Variants in UBXN1 observed in about 807,000 individuals in gnomAD.
UBXN1 encodes UBX domain-containing protein 1.
Under a neutral mutation model 42.0 loss-of-function variants are expected in UBXN1, and 21 were observed. That is an observed-to-expected ratio of 0.50 (90% CI 0.35 to 0.72). UBXN1 has a LOEUF of 0.72. Among genes scored for constraint, UBXN1 ranks in the 30% least tolerant of loss-of-function variants. The pLI, the probability that UBXN1 is intolerant of heterozygous loss-of-function variation, is 0.00. For synonymous variants in UBXN1, 172 were observed against 142.6 expected, an observed-to-expected ratio of 1.21 and a Z score of -1.47; for missense variants, 374 against 382.2, an observed-to-expected ratio of 0.98 and a Z score of 0.18.
chr11:62,678,161 T>G (rs1246815006), intron 4 of UBXN1, 43 bp from the exon 5 acceptor site: 1 of 1,608,292 alleles, frequency 6.2e-7, no homozygotes, highest in African/African-American at 1.3e-5. Flanking sequence ...ATGGACAGAG[T>G]GGGAAGGTGT....
At position 62,678,914 on chromosome 11, in the gene UBXN1, G is replaced by C; in HGVS notation, c.10C>G (p.Leu4Val). 1 of 1,591,280 alleles carries C rather than the reference G, an allele frequency of 6.3e-7. No individual in the cohort carries two copies. The highest frequency in any genetic ancestry group is 8.5e-7 in the Non-Finnish European group (1 of 1,172,078). Residue 4 changes from leucine to valine, a missense_variant, in exon 1 of 9, where the codon CTG (leucine) becomes GTG (valine). Coordinates refer to ENST00000301935, the MANE Select transcript of UBXN1 (RefSeq NM_001286077.2). ...TCGATGAGACTCTCAAGAGCCGTCA[G>C]CTCCGCCATGGCGCCGACACCGCGG... MAELTALESLIEMG... is the reference protein window; with the variant it reads MAEVTALESLIEMG...
intron 4 of UBXN1, 42 bp from the exon 5 acceptor site, chr11:62,678,160 G>C: frequency 2.5e-6 from 4 of 1,609,546 alleles, no homozygotes; most frequent in Non-Finnish European, 3.4e-6. Context: ...AATGGACAGA[G>C]TGGGAAGGTG....
rs1004948134 is a variant in UBXN1 at position 62,678,128 on chromosome 11, C to A, written c.291-10G>T. The A allele has an allele frequency of 1.2e-6, 2 of 1,612,708 alleles. No individual in the cohort carries two copies. Among genetic ancestry groups the A allele is most frequent in the African/African-American group, 2.7e-5 (2 of 74,802 alleles). On this transcript the variant is annotated splice_polypyrimidine_tract_variant and intron_variant, in intron 4 of 8. Transcript: ENST00000301935. Reference sequence around the variant, plus strand: ...CACCAGCTCCAACATCCTGTGTTGCCGAGGGAAAACAGTTCAAGAGAAATG... The same window carrying A: ...CACCAGCTCCAACATCCTGTGTTGCAGAGGGAAAACAGTTCAAGAGAAATG...
intron 7 of UBXN1, chr11:62,677,221 A>G (rs562020449): frequency 1.6e-6 from 1 of 628,524 alleles, no homozygotes; most frequent in East Asian, 2.7e-5. Context: ...CAAGGATAAG[A>G]TTATACAAAA....
At chr11:62,678,833 A>T (rs1210634984) in intron 1 of UBXN1, 32 bp downstream of exon 1, 1 of 1,608,496 alleles carries the variant, frequency 6.2e-7, no homozygotes, top group African/African-American at 1.3e-5. Context: ...GACCCCCCAC[A>T]CCCGCAGGCC....
Position 62,678,529 on chromosome 11 carries a change from C to G in UBXN1, c.186G>C (p.Arg62=). The G allele has an allele frequency of 6.2e-7, 1 of 1,611,360 alleles. No homozygotes were observed. The highest frequency in any genetic ancestry group is 8.5e-7 in the Non-Finnish European group (1 of 1,178,540). Residue 62 remains arginine, a synonymous_variant, in exon 3 of 9, where the codon CGG becomes CGC. Transcript: ENST00000301935. ...LETPLGHILG[R]EPTSSEQGGL... Reference sequence around the variant, plus strand: ...CGCCTTGCTCTGAGGAAGTGGGCTCCCGTCCCAGGATATGTCCAAGGGGAG... The same window carrying G: ...CGCCTTGCTCTGAGGAAGTGGGCTCGCGTCCCAGGATATGTCCAAGGGGAG...
chr11:62,678,974 G>A lies in UBXN1; in HGVS notation c.-51C>T, dbSNP rs1283684032. Reference sequence around the variant, plus strand: ...GGACCTGGTGTGTGACGAGAAGGAGGGCGGGAAGGGTCAGCGCGAGGCAAC... The same window carrying A: ...GGACCTGGTGTGTGACGAGAAGGAGAGCGGGAAGGGTCAGCGCGAGGCAAC... On this transcript the variant is annotated 5_prime_UTR_variant, in exon 1 of 9. Coordinates refer to ENST00000301935, the MANE Select transcript of UBXN1 (RefSeq NM_001286077.2). The A allele has an allele frequency of 1.3e-6, 2 of 1,538,868 alleles. No individual in the cohort carries two copies. The highest frequency in any genetic ancestry group is 1.7e-6 in the Non-Finnish European group (2 of 1,145,178).
rs774074053 is a variant in UBXN1, at chr11:62,678,426, G to C, written c.221-18C>G. 1.2e-6 allele frequency: 2 copies of C among 1,614,072 alleles called. No individual in the cohort carries two copies. The highest frequency in any genetic ancestry group is 1.7e-6 in the Non-Finnish European group (2 of 1,180,002). On this transcript the variant is annotated intron_variant, in intron 3 of 8. Transcript: ENST00000301935. ...ACCAGATCCTACAAACAAACAATCG[G>C]TATTATTATCCCTTCAGATTCTCCT...
chr11:62,678,623 G>T (rs200124299), intron 2 of UBXN1, 22 bp from the exon 3 acceptor site: 1 of 1,612,964 alleles, frequency 6.2e-7, no homozygotes, highest in Admixed American at 1.7e-5. Flanking sequence ...AGTGGGCGGG[G>T]AGGTTAGCTT....
At chr11:62,677,320 GAGA>G in intron 7 of UBXN1, 195 bp downstream of exon 7, 1 of 653,432 alleles carries the variant, frequency 1.5e-6, no homozygotes, top group East Asian at 2.6e-5. Context: ...CTGAGTAAGA[GAGA>G]GGTATGGGTT....
At chr11:62,678,442 A>G (rs2134673462) in intron 3 of UBXN1, 34 bp from the exon 4 acceptor site, 1 of 1,614,098 alleles carries the variant, frequency 6.2e-7, no homozygotes, top group East Asian at 2.2e-5. Flanking sequence ...TTATCCCTTC[A>G]GATTCTCCTC....
chr11:62,677,365 C>A lies in UBXN1; in HGVS notation c.651+153G>T, dbSNP rs149072490. 1,686 of 801,086 alleles carry A rather than the reference C, an allele frequency of 2.1e-3. 20 individuals are homozygous for A. The African/African-American group carries it at 0.027, about 13-fold the overall frequency. The allele number at this position is 801,086 out of a possible 1,614,324, so 49.6% of individuals were successfully genotyped here. A position where few individuals can be genotyped will look rare whatever the true frequency, so the allele number is the denominator to read the frequency against. The stretch of plus-strand genomic sequence containing the variant: ...CAACTGGGGCAGGTGAAATTTGATA[C>A]CTTTCCCAAGAGTAGAGATAGGATT... On this transcript the variant is annotated intron_variant, in intron 7 of 8. Coordinates refer to ENST00000301935, the MANE Select transcript of UBXN1 (RefSeq NM_001286077.2).
intron 8 of UBXN1, 46 bp from the exon 9 acceptor site, chr11:62,676,685 T>G: frequency 6.2e-7 from 1 of 1,614,144 alleles, no homozygotes; most frequent in Non-Finnish European, 8.5e-7. Flanking sequence ...ATACTTGGTT[T>G]TTGCTCCCAA....
intron 7 of UBXN1, chr11:62,677,295 G>A: frequency 3.2e-6 from 2 of 620,068 alleles, no homozygotes; most frequent in East Asian, 2.8e-5. Flanking sequence ...ACATGAACAA[G>A]TAAAAGGGTA....
At chr11:62,678,260 G>T (rs768924326) in intron 4 of UBXN1, 79 bp downstream of exon 4, 1 of 1,609,780 alleles carries the variant, frequency 6.2e-7, no homozygotes, top group Non-Finnish European at 8.5e-7. Flanking sequence ...ATGTGGAAAG[G>T]TCAAGGTTCT....
At chr11:62,677,026 T>G in intron 7 of UBXN1, 21 bp from the exon 8 acceptor site, 1 of 1,599,884 alleles carries the variant, frequency 6.3e-7, no homozygotes, top group Non-Finnish European at 8.5e-7. Flanking sequence ...AGGGAGATAC[T>G]CAGTATTGTG....
rs1473447582 is a variant in UBXN1 at position 62,677,514 on chromosome 11, G to C, written c.651+4C>G. 1.9e-5 allele frequency: 30 copies of C among 1,613,636 alleles called. No individual in the cohort carries two copies. The highest frequency in any genetic ancestry group is 2.5e-5 in the Non-Finnish European group (30 of 1,179,646). ...AAGAGGAAGATAAGAATTAGAATCA[G>C]TACCTGTATGCGACACTGGTCATAC... On this transcript the variant is annotated splice_donor_region_variant and intron_variant, in intron 7 of 8. Coordinates refer to ENST00000301935, the MANE Select transcript of UBXN1 (RefSeq NM_001286077.2).
In UBXN1 at chr11:62,678,566, T is replaced by C; in HGVS notation, c.149A>G (p.Glu50Gly). The C allele has an allele frequency of 6.2e-7, 1 of 1,610,636 alleles. No homozygotes were observed. The highest frequency in any genetic ancestry group is 8.5e-7 in the Non-Finnish European group (1 of 1,177,746). Reference protein sequence around the residue: ...MEHEDDPDVDEPLETPLGHIL... With the variant: ...MEHEDDPDVDGPLETPLGHIL... ...ATGTCCAAGGGGAGTCTCTAAAGGC[T>C]CGTCCACATCGGGGTCGTCTTCGTG... is the stretch of plus-strand genomic sequence containing the variant. Residue 50 changes from glutamate to glycine, a missense_variant, in exon 3 of 9, where the codon GAG becomes GGG. By Grantham distance (98) the Glu-to-Gly change is moderately conservative (BLOSUM62 -2). Coordinates refer to ENST00000301935, the MANE Select transcript of UBXN1 (RefSeq NM_001286077.2).
intron 4 of UBXN1, 44 bp from the exon 5 acceptor site, chr11:62,678,162 G>T: frequency 1.2e-6 from 2 of 1,609,230 alleles, no homozygotes; most frequent in Non-Finnish European, 1.7e-6. Flanking sequence ...TGGACAGAGT[G>T]GGAAGGTGTA....
Sources: allele counts gnomAD v4.1 joint callset, GRCh38; gene constraint gnomAD v4.1.1; transcripts MANE v1.5; gene names NCBI Gene and HGNC (gene_info 2026-07-23, HGNC 2026-07-21).